Variants in USP8 observed in about 807,000 individuals in gnomAD.
USP8 encodes the protein ubiquitin carboxyl-terminal hydrolase 8.
In USP8, 27 loss-of-function variants were observed where a neutral mutation model predicts 130.0. That is an observed-to-expected ratio of 0.21 (90% CI 0.15 to 0.29). The LOEUF (loss-of-function observed/expected upper bound fraction) is 0.29. USP8 is among the 10% of genes least tolerant of loss of function. The pLI is 1.00. For synonymous variants in USP8, 392 were observed against 444.1 expected (o/e 0.88, Z 1.48); for missense variants, 1,029 against 1,312.2 (o/e 0.78, Z 3.33).
intron 1 of USP8, among the ~76,000 whole-genome samples, chr15:50,426,464 T>TA (rs760194316): frequency 3.3e-5 from 5 of 152,232 alleles, no homozygotes; most frequent in Non-Finnish European, 7.3e-5. Flanking sequence ...TGCCTGGACT[T>TA]AGCTAAGTGG....
chr15:50,462,855 T>C (rs1012001433), intron 6 of USP8, among the ~76,000 whole-genome samples: 5 of 152,156 alleles, frequency 3.3e-5, no homozygotes, highest in Admixed American at 2.6e-4. Context: ...GTAGGACTTA[T>C]TATCATTTAT....
At chr15:50,459,962 C>T (rs1432936978) in intron 5 of USP8, among the ~76,000 whole-genome samples, 2 of 145,746 alleles carry the variant, frequency 1.4e-5, no homozygotes, top group African/African-American at 5.1e-5. Flanking sequence ...TTGCTTTCTC[C>T]TTCTTTTTCT....
chr15:50,467,717 A>C (rs2141287694), intron 7 of USP8, among the ~76,000 whole-genome samples: 1 of 151,640 alleles, frequency 6.6e-6, no homozygotes, highest in South Asian at 2.1e-4. Flanking sequence ...CACCATGCCC[A>C]GCTGATTTTT....
At chr15:50,496,257 G>A (rs549703941) in intron 17 of USP8, among the ~76,000 whole-genome samples, 173 bp downstream of exon 17, 28 of 152,100 alleles carry the variant, frequency 1.8e-4, no homozygotes, top group Admixed American at 3.3e-4. Flanking sequence ...CGAGGTGGGC[G>A]GATCACGAGG....
intron 3 of USP8, among the ~76,000 whole-genome samples, chr15:50,445,715 GGT>G (rs1364766537): frequency 6.6e-6 from 1 of 151,462 alleles, no homozygotes; most frequent in Non-Finnish European, 1.5e-5. Flanking sequence ...AAATTAGCTA[GGT>G]GTGGTGGCAG....
chr15:50,448,586 C>A (rs1187632601), intron 3 of USP8, among the ~76,000 whole-genome samples: 2 of 151,344 alleles, frequency 1.3e-5, no homozygotes, highest in African/African-American at 2.4e-5. Context: ...GTGGCGCAAT[C>A]TCGGCTCACT....
chr15:50,435,152 CT>C (rs981432977), intron 1 of USP8, among the ~76,000 whole-genome samples: 139 of 152,172 alleles, frequency 9.1e-4, no homozygotes, highest in African/African-American at 3.2e-3. Flanking sequence ...TTTCAGATTT[CT>C]TTAATGGCAA....
At position 50,501,085 on chromosome 15, in the gene USP8, C is replaced by T; in HGVS notation, c.*1997C>T. On this transcript the variant is annotated 3_prime_UTR_variant, in exon 20 of 20. Coordinates refer to ENST00000307179, the MANE Select transcript of USP8 (RefSeq NM_005154.5). ...AAAGAAAGACAATATTTAGCAGCAT[C>T]TGATTAATGTTTATCAGTGAACATT... The T allele has an allele frequency of 2.4e-6, 1 of 422,376 alleles. No homozygotes were observed. The highest frequency in any genetic ancestry group is 2.5e-5 in the South Asian group (1 of 39,460). 26.2% of individuals were successfully genotyped at this position (422,376 alleles called of 1,614,324 possible).
At chr15:50,442,559 C>T (rs1388352890) in intron 3 of USP8, among the ~76,000 whole-genome samples, 10 of 151,858 alleles carry the variant, frequency 6.6e-5, no homozygotes, top group Non-Finnish European at 1.3e-4. Flanking sequence ...GCCTGGCCAA[C>T]ATGGTGAAAC....
intron 3 of USP8, among the ~76,000 whole-genome samples, chr15:50,443,132 G>C (rs539433225): frequency 1.3e-5 from 2 of 151,898 alleles, no homozygotes; most frequent in African/African-American, 4.8e-5. Context: ...TCCACCTTTC[G>C]GGTTCAAGCG....
chr15:50,452,861 T>C (rs1391190078), intron 4 of USP8, among the ~76,000 whole-genome samples: 1 of 152,218 alleles, frequency 6.6e-6, no homozygotes, highest in Non-Finnish European at 1.5e-5. Flanking sequence ...TCGTTGTTAT[T>C]AACAGTGGAA....
In USP8 at chr15:50,476,966, C is replaced by A; in HGVS notation, c.967C>A (p.Arg323Ser). The A allele has an allele frequency of 6.2e-7, 1 of 1,606,864 alleles. No homozygotes were observed. Among genetic ancestry groups the A allele is most frequent in the South Asian group, 1.1e-5 (1 of 88,912 alleles). The change falls in exon 9 of 20, where the codon CGC becomes AGC. Residue 323 changes from arginine (R) to serine (S), a missense_variant. By Grantham distance (110) the Arg-to-Ser change is moderately radical (BLOSUM62 -1). This residue lies in a region of USP8 where 486 missense variants were observed against 522.0 expected (regional missense o/e 0.93). Transcript: ENST00000307179. The part of the protein sequence containing the change: ...TNAKVTPPPR[R>S]QNEEVSISLD... ...TGCTAAGGTCACTCCACCCCCACGA[C>A]GCCAGAATGAAGAGGTGTCTATCTC... is the stretch of plus-strand genomic sequence containing the variant.
rs558195136 is a variant in USP8 at position 50,425,898 on chromosome 15, G to A, written c.-66+1384G>A. 2.0e-5 allele frequency among the ~76,000 whole-genome samples: 3 copies of A among 152,188 alleles called. No homozygotes were observed. The East Asian group carries it at 5.8e-4, about 29-fold the overall frequency. Reference sequence around the variant, plus strand: ...AGCACTTTGGGAGGCGGAGGTGGGCGGATCACTGAGGTCAGGAGTTCGAGA... The same window carrying A: ...AGCACTTTGGGAGGCGGAGGTGGGCAGATCACTGAGGTCAGGAGTTCGAGA... On this transcript the variant is annotated intron_variant, in intron 1 of 19. Transcript: ENST00000307179.
intron 13 of USP8, 43 bp downstream of exon 13, chr15:50,489,924 A>G (rs2052097838): frequency 6.8e-7 from 1 of 1,460,772 alleles, no homozygotes; most frequent in African/African-American, 1.4e-5. Context: ...TGTGTTCCTA[A>G]AAAATGTTTT....
rs972947634 is a variant in USP8 at position 50,512,505 on chromosome 15, T to G, written c.*13417T>G. On this transcript the variant is annotated 3_prime_UTR_variant, in exon 20 of 20. Coordinates refer to ENST00000307179, the MANE Select transcript of USP8 (RefSeq NM_005154.5). ...GTGAATGTACTAAAAACTACTGAAC[T>G]GGCCAGGCACAGTGGCTCACACCTG... is the stretch of plus-strand genomic sequence containing the variant. 1.3e-5 allele frequency: 2 copies of G among 150,894 alleles called. No individual in the cohort carries two copies. Among genetic ancestry groups the G allele is most frequent in the African/African-American group, 2.4e-5 (1 of 40,950 alleles). The allele number at this position is 150,894 out of a possible 1,614,324, so 9.3% of individuals were successfully genotyped here.
At chr15:50,452,798 CACTT>C (rs767816842) in intron 4 of USP8, among the ~76,000 whole-genome samples, 18 of 152,256 alleles carry the variant, frequency 1.2e-4, no homozygotes, top group Admixed American at 4.6e-4. Flanking sequence ...CATTTACAAA[CACTT>C]AGATGGTGTC....
intron 12 of USP8, among the ~76,000 whole-genome samples, chr15:50,487,323 C>A (rs1032218250): frequency 6.6e-6 from 1 of 151,358 alleles, no homozygotes; most frequent in Non-Finnish European, 1.5e-5. Context: ...AAAGTGAAAC[C>A]CAAAGGAGCT....
Position 50,463,944 on chromosome 15 carries a change from T to G in USP8, c.542-1103T>G, listed in dbSNP as rs566165962. Among the ~76,000 whole-genome samples the G allele has an allele frequency of 3.3e-5, 5 of 152,332 alleles. No individual in the cohort carries two copies. The South Asian group carries it at 8.3e-4, about 25-fold the overall frequency. On this transcript the variant is annotated intron_variant, in intron 6 of 19. Transcript: ENST00000307179. The stretch of plus-strand genomic sequence containing the variant: ...AAAGTAAATAAATTAAATATTGCAT[T>G]AGCTTTACTTAGTTTCCTTTTTGTT...
At chr15:50,433,341 T>C (rs2049988334) in intron 1 of USP8, among the ~76,000 whole-genome samples, 1 of 152,150 alleles carries the variant, frequency 6.6e-6, no homozygotes, top group Admixed American at 6.5e-5. Flanking sequence ...GATACTTATG[T>C]TGAGTATTGT....
Sources: gnomAD v4.1 joint callset for allele counts (sites outside exome capture counted in the v4.1 genomes callset) on GRCh38, gnomAD v4.1.1 for gene constraint, gnomAD v4.1.1 regional missense constraint, MANE v1.5 for transcripts, NCBI Gene and HGNC (gene_info 2026-07-23, HGNC 2026-07-21) for gene names.